Variants in TENM3 observed in about 807,000 individuals in gnomAD.
The protein encoded by TENM3 is teneurin-3.
Under a neutral mutation model 255.1 loss-of-function variants are expected in TENM3, and 63 were observed. The observed-to-expected ratio is 0.25, with a 90% CI of 0.20 to 0.30. The LOEUF (loss-of-function observed/expected upper bound fraction) is 0.30. Among genes scored for constraint, TENM3 ranks in the 10% least tolerant of loss-of-function variants. TENM3 has a pLI of 1.00. For synonymous variants in TENM3, 1,306 were observed against 1,322.3 expected, an observed-to-expected ratio of 0.99 and a Z score of 0.27; for missense variants, 2,929 against 3,461.1, an observed-to-expected ratio of 0.85 and a Z score of 3.86.
At chr4:182,565,465 G>T (rs370492145) in intron 3 of TENM3, among the ~76,000 whole-genome samples, 1 of 152,102 alleles carries the variant, frequency 6.6e-6, no homozygotes, top group Non-Finnish European at 1.5e-5. Context: ...AAGTCCTCCC[G>T]AAGGATATAG....
Position 182,482,315 on chromosome 4 carries a change from C to G in TENM3, c.512-118609C>G, listed in dbSNP as rs73001370. 3.1e-3 allele frequency among the ~76,000 whole-genome samples: 470 copies of G among 152,098 alleles called. 2 individuals are homozygous for G. Among genetic ancestry groups the G allele is most frequent in the African/African-American group, 0.011 (450 of 41,500 alleles). ...CTTTCAAAATAAGGATAAAGTAAAC[C>G]TAGTTATTAATATGCTTATATCTAT... On this transcript the variant is annotated intron_variant, in intron 3 of 27. Coordinates refer to ENST00000511685, the MANE Select transcript of TENM3 (RefSeq NM_001080477.4).
At position 182,792,673 on chromosome 4, in the gene TENM3, G is replaced by C; in HGVS notation, c.6001G>C (p.Asp2001His). The C allele has an allele frequency of 6.2e-7, 1 of 1,613,942 alleles. No individual in the cohort carries two copies. Among genetic ancestry groups the C allele is most frequent in the Non-Finnish European group, 8.5e-7 (1 of 1,179,892 alleles). Residue 2001 changes from aspartate (D) to histidine (H), a missense_variant, in exon 26 of 28, where the codon GAC becomes CAC. Asp to His is a moderately conservative substitution (Grantham distance 81, BLOSUM62 -1). Coordinates refer to ENST00000511685, the MANE Select transcript of TENM3 (RefSeq NM_001080477.4). The surrounding 1 kb of genome is among the most constrained non-coding windows in gnomAD (Gnocchi z 6.3). ...IRYRQIGPLIDRQIFRFSEDG... is the reference protein window; with the variant it reads ...IRYRQIGPLIHRQIFRFSEDG... ...ATACAGGCAAATTGGTCCCCTGATT[G>C]ACAGGCAGATTTTCCGCTTTAGTGA...
chr4:181,978,367 G>C, the TENM3 span, among the ~76,000 whole-genome samples: 1 of 152,104 alleles, frequency 6.6e-6, no homozygotes, highest in African/African-American at 2.4e-5. Flanking sequence ...AGCAAAAGGG[G>C]GCTGGGCGTG....
the TENM3 span, among the ~76,000 whole-genome samples, chr4:181,867,142 C>T: frequency 6.6e-6 from 1 of 152,256 alleles, no homozygotes; most frequent in African/African-American, 2.4e-5. Flanking sequence ...TCTAATTTCA[C>T]CGTGGAATTT....
intron 13 of TENM3, among the ~76,000 whole-genome samples, chr4:182,719,306 G>A (rs1759487464): frequency 8.2e-6 from 1 of 121,696 alleles, no homozygotes; most frequent in South Asian, 2.7e-4. Flanking sequence ...CTGTCTCCCA[G>A]GCTGCAGTGC....
chr4:181,474,016 C>G, the TENM3 span, among the ~76,000 whole-genome samples: 1 of 151,542 alleles, frequency 6.6e-6, no homozygotes, highest in Non-Finnish European at 1.5e-5. Flanking sequence ...ATACATTTTG[C>G]CAGTTAATAC....
At chr4:181,813,977 C>T in the TENM3 span, among the ~76,000 whole-genome samples, 1 of 151,870 alleles carries the variant, frequency 6.6e-6, no homozygotes, top group Non-Finnish European at 1.5e-5. Context: ...ACATGAAAAA[C>T]TAATGAAGAA....
chr4:181,538,472 G>A, the TENM3 span, among the ~76,000 whole-genome samples: 10 of 151,840 alleles, frequency 6.6e-5, no homozygotes, highest in African/African-American at 1.2e-4. Flanking sequence ...GGAGGGGGGC[G>A]TGGTGGTTAA....
At chr4:181,931,668 T>C in the TENM3 span, among the ~76,000 whole-genome samples, 1 of 152,154 alleles carries the variant, frequency 6.6e-6, no homozygotes, top group East Asian at 1.9e-4. Context: ...AAAACTACTT[T>C]AAATTTCATA....
At chr4:181,469,321 C>T in the TENM3 span, among the ~76,000 whole-genome samples, 1 of 152,102 alleles carries the variant, frequency 6.6e-6, no homozygotes, top group African/African-American at 2.4e-5. Flanking sequence ...TATCTATATA[C>T]ATCTCCCTCC....
chr4:182,737,032 A>T lies in TENM3; in HGVS notation c.3192A>T (p.Thr1064=). 1 of 1,613,834 alleles carries T rather than the reference A, an allele frequency of 6.2e-7. No homozygotes were observed. Among genetic ancestry groups the T allele is most frequent in the Non-Finnish European group, 8.5e-7 (1 of 1,179,772 alleles). ...CCTATACTTTCATATGGGATAAAACAGATGCATATAATCAGAAAGTCTATG... is the reference window on the plus strand; with the variant it reads ...CCTATACTTTCATATGGGATAAAACTGATGCATATAATCAGAAAGTCTATG... The part of the protein sequence containing the change: ...NLAYTFIWDK[T]DAYNQKVYGL... Residue 1064 remains threonine (T), a synonymous_variant, in exon 17 of 28, where the codon ACA becomes ACT. Transcript: ENST00000511685.
chr4:181,913,603 G>C, the TENM3 span, among the ~76,000 whole-genome samples: 1 of 152,066 alleles, frequency 6.6e-6, no homozygotes, highest in Non-Finnish European at 1.5e-5. Flanking sequence ...TAGTTTTGGC[G>C]GGAGGGACAG....
the TENM3 span, among the ~76,000 whole-genome samples, chr4:182,051,033 T>A: frequency 6.6e-6 from 1 of 151,900 alleles, no homozygotes; most frequent in Non-Finnish European, 1.5e-5. Flanking sequence ...GTTTCAAGAC[T>A]CCTTGGGCCA....
the TENM3 span, among the ~76,000 whole-genome samples, chr4:181,577,688 G>A: frequency 6.6e-6 from 1 of 152,076 alleles, no homozygotes; most frequent in Non-Finnish European, 1.5e-5. Flanking sequence ...TCTTCAAGAT[G>A]CCCAAGACTG....
At chr4:182,296,101 T>G (rs2150347797) in intron 1 of TENM3, among the ~76,000 whole-genome samples, 1 of 152,202 alleles carries the variant, frequency 6.6e-6, no homozygotes, top group South Asian at 2.1e-4. Flanking sequence ...GTAGCTGGGA[T>G]TACAGGCACG....
At chr4:181,976,889 A>G in the TENM3 span, among the ~76,000 whole-genome samples, 1 of 152,238 alleles carries the variant, frequency 6.6e-6, no homozygotes, top group Non-Finnish European at 1.5e-5. Flanking sequence ...ATTCAGAGTG[A>G]CGGAAAGAAT....
At chr4:181,687,651 G>A in the TENM3 span, among the ~76,000 whole-genome samples, 1 of 152,068 alleles carries the variant, frequency 6.6e-6, no homozygotes, top group Non-Finnish European at 1.5e-5. Flanking sequence ...ATCCTGTTTG[G>A]AGCAGTGCTC....
the TENM3 span, among the ~76,000 whole-genome samples, chr4:181,700,348 GAATC>G: frequency 6.6e-6 from 1 of 151,314 alleles, no homozygotes; most frequent in African/African-American, 2.4e-5. Flanking sequence ...AAGTTAAAAA[GAATC>G]AATTGCTTCT....
the TENM3 span, among the ~76,000 whole-genome samples, chr4:181,703,578 C>T: frequency 6.6e-6 from 1 of 152,148 alleles, no homozygotes; most frequent in Admixed American, 6.5e-5. Flanking sequence ...GAAACTTGAT[C>T]AGGGTCACTG....
Sources: gnomAD v4.1 joint callset for allele counts (sites outside exome capture counted in the v4.1 genomes callset) on GRCh38, gnomAD v4.1.1 for gene constraint, Gnocchi (gnomAD v3.1) non-coding constraint, MANE v1.5 for transcripts, NCBI Gene and HGNC (gene_info 2026-07-23, HGNC 2026-07-21) for gene names.